Variants in RBFOX1 observed in about 807,000 individuals in gnomAD.
RBFOX1 encodes RNA binding fox-1 homolog 1, also known as RNA binding protein fox-1 homolog 1.
RBFOX1 carries 8 observed loss-of-function variants against 57.7 expected under a neutral mutation model. That is an observed-to-expected ratio of 0.14 (90% confidence interval 0.08 to 0.25). RBFOX1 has a LOEUF of 0.25. Among genes scored for constraint, RBFOX1 ranks in the 10% least tolerant of loss-of-function variants. The probability of loss-of-function intolerance (pLI) is 1.00; values close to 1 mark genes in which losing one functional copy is unlikely to be tolerated. For synonymous variants in RBFOX1, 326 were observed against 222.4 expected (o/e 1.47, Z -4.15); for missense variants, 611 against 548.5 (o/e 1.11, Z -1.14).
At chr16:6,626,258 G>A (rs772223449) in intron 2 of RBFOX1, among the ~76,000 whole-genome samples, 8 of 151,558 alleles carry the variant, frequency 5.3e-5, no homozygotes, top group African/African-American at 1.7e-4. Context: ...AATGTTGCCC[G>A]GGTGTCCTTT....
chr16:5,805,203 C>G (rs1034594223), intron 3 of RBFOX1, among the ~76,000 whole-genome samples: 1 of 152,048 alleles, frequency 6.6e-6, no homozygotes, highest in East Asian at 1.9e-4. Context: ...AAATGAAACA[C>G]TGTGTTCAGC....
At chr16:6,460,541 A>G (rs1460454739) in intron 2 of RBFOX1, among the ~76,000 whole-genome samples, 1 of 152,182 alleles carries the variant, frequency 6.6e-6, no homozygotes, top group East Asian at 1.9e-4. Context: ...CAAAACCACA[A>G]TGAGATACCA....
At chr16:7,099,307 G>T (rs377101805) in intron 4 of RBFOX1, among the ~76,000 whole-genome samples, 1 of 152,064 alleles carries the variant, frequency 6.6e-6, no homozygotes, top group African/African-American at 2.4e-5. Context: ...AAGGAATTTC[G>T]TAATTCCTGG....
intron 4 of RBFOX1, among the ~76,000 whole-genome samples, chr16:7,067,273 TGTTA>T (rs373753349): frequency 1.3e-5 from 2 of 150,300 alleles, no homozygotes; most frequent in Non-Finnish European, 3.0e-5. Context: ...TTGAAATCTG[TGTTA>T]GTTTTTTATT....
rs116923740 is a variant in RBFOX1 at position 5,307,063 on chromosome 16, G to C, written c.219+66958G>C. Among the ~76,000 whole-genome samples, 56 of 152,206 alleles carry C rather than the reference G, an allele frequency of 3.7e-4. No homozygotes were observed. The East Asian group carries it at 8.5e-3, about 23-fold the overall frequency. ...CTTCAACTTAAGCTTCTCCGTGGTG[G>C]GGGGTGGAGTGGGGGAGCAGGAAAA... On this transcript the variant is annotated intron_variant, in intron 1 of 2. Coordinates refer to the RBFOX1 transcript ENST00000585867.
chr16:6,460,010 A>AAAAAAAAAAAAAAAAAAAAAC, intron 2 of RBFOX1, among the ~76,000 whole-genome samples: 1 of 134,484 alleles, frequency 7.4e-6, no homozygotes. Context: ...AAAAAAAAAA[A>AAAAAAAAAAAAAAAAAAAAAC]AAAAAAAAAA....
At chr16:5,736,395 G>C (rs2052572793) in intron 3 of RBFOX1, among the ~76,000 whole-genome samples, 1 of 152,064 alleles carries the variant, frequency 6.6e-6, no homozygotes, top group South Asian at 2.1e-4. Context: ...GTAGCACTGG[G>C]TGTGGGGTGA....
chr16:6,309,867 T>C (rs745788425), intron 1 of RBFOX1, among the ~76,000 whole-genome samples: 1 of 152,202 alleles, frequency 6.6e-6, no homozygotes. Context: ...GTTTGTTTCT[T>C]GCAAATGCAA....
chr16:6,106,853 A>G (rs1240867335), intron 1 of RBFOX1, among the ~76,000 whole-genome samples: 1 of 151,804 alleles, frequency 6.6e-6, no homozygotes, highest in South Asian at 2.1e-4. Context: ...TCGGATTTCT[A>G]GTAGAGACGG....
intron 4 of RBFOX1, among the ~76,000 whole-genome samples, chr16:7,410,196 C>A (rs1159126026): frequency 6.6e-6 from 1 of 151,840 alleles, no homozygotes; most frequent in Non-Finnish European, 1.5e-5. Flanking sequence ...CTCATCTGCG[C>A]TGGGTGACCG....
upstream of RBFOX1, among the ~76,000 whole-genome samples, chr16:6,014,825 G>T (rs548200150): frequency 2.6e-5 from 4 of 151,964 alleles, no homozygotes; most frequent in African/African-American, 9.6e-5. Context: ...GTATCCTTGG[G>T]AGGAGGAATA....
chr16:7,600,893 C>G (rs569841499), intron 9 of RBFOX1, among the ~76,000 whole-genome samples: 1 of 152,118 alleles, frequency 6.6e-6, no homozygotes. Flanking sequence ...TAGAATGAGC[C>G]GTAGGCTTCT....
rs574688026 is a variant in RBFOX1, at chr16:6,913,263, C to A, written c.-15-138794C>A. Among the ~76,000 whole-genome samples the A allele has an allele frequency of 3.5e-4, 53 of 152,214 alleles. 1 individual carries two copies. Among genetic ancestry groups the A allele is most frequent in the African/African-American group, 1.3e-3 (53 of 41,522 alleles). ...CACCTATTTAACTGTTATAAAGTAG[C>A]ACTTTTAATTCATTTCCATAATTAC... On this transcript the variant is annotated intron_variant, in intron 3 of 15. Transcript: ENST00000550418.
rs555230341 is a variant in RBFOX1 at position 7,428,186 on chromosome 16, C to A, written c.28-89961C>A. 1.5e-3 allele frequency among the ~76,000 whole-genome samples: 222 copies of A among 152,206 alleles called. 1 individual carries two copies. The highest frequency in any genetic ancestry group is 5.2e-3 in the African/African-American group (215 of 41,538). The stretch of plus-strand genomic sequence containing the variant: ...CATGATAGTGCTTACGTATCTTTTC[C>A]CCTGAAGTCAGGAATCCCTTTTATT... On this transcript the variant is annotated intron_variant, in intron 4 of 15. Coordinates refer to ENST00000550418, the MANE Select transcript of RBFOX1 (RefSeq NM_018723.4).
At chr16:5,674,329 C>T (rs1425620452) in intron 3 of RBFOX1, among the ~76,000 whole-genome samples, 1 of 152,176 alleles carries the variant, frequency 6.6e-6, no homozygotes, top group Non-Finnish European at 1.5e-5. Flanking sequence ...CTTTTATTTC[C>T]TATGTAATCT....
chr16:6,151,094 A>G (rs185835215), intron 1 of RBFOX1, among the ~76,000 whole-genome samples: 1 of 152,254 alleles, frequency 6.6e-6, no homozygotes, highest in East Asian at 1.9e-4. Flanking sequence ...GACTATGACT[A>G]TGGTTTCCTT....
chr16:6,012,180 C>T (rs2094965186), intron 4 of RBFOX1, among the ~76,000 whole-genome samples: 2 of 152,172 alleles, frequency 1.3e-5, no homozygotes, highest in Admixed American at 6.5e-5. Context: ...CGACTGTGAG[C>T]AAATGTCTTC....
chr16:7,601,204 C>G (rs2095001137), intron 9 of RBFOX1, among the ~76,000 whole-genome samples: 1 of 152,170 alleles, frequency 6.6e-6, no homozygotes, highest in Non-Finnish European at 1.5e-5. Flanking sequence ...TCAGTTCTTC[C>G]ATTCACTGGC....
chr16:5,440,373 C>A (rs1025661622), intron 1 of RBFOX1, among the ~76,000 whole-genome samples: 1 of 152,162 alleles, frequency 6.6e-6, no homozygotes, highest in Non-Finnish European at 1.5e-5. Flanking sequence ...TGCCAAGTAT[C>A]ACAAGTTTAG....
Sources: gnomAD v4.1 joint callset for allele counts (sites outside exome capture counted in the v4.1 genomes callset) on GRCh38, gnomAD v4.1.1 for gene constraint, MANE v1.5 for transcripts, NCBI Gene and HGNC (gene_info 2026-07-23, HGNC 2026-07-21) for gene names.